ABTB3: variants seen among roughly 807,000 people sequenced by gnomAD.
ABTB3 encodes ankyrin repeat- and BTB/POZ domain-containing protein 3.
At chr12:107,416,320 C>T in the ABTB3 span, among the ~76,000 whole-genome samples, 5 of 152,162 alleles carry the variant, frequency 3.3e-5, no homozygotes, top group African/African-American at 1.2e-4. Flanking sequence ...TGAGCACCTG[C>T]CAGGAACTGA....
At chr12:107,579,210 C>T in the ABTB3 span, among the ~76,000 whole-genome samples, 2 of 152,214 alleles carry the variant, frequency 1.3e-5, no homozygotes, top group Non-Finnish European at 2.9e-5. Context: ...GGAGGCTCAG[C>T]TGCATGAACA....
the ABTB3 span, among the ~76,000 whole-genome samples, chr12:107,603,064 C>T: frequency 6.6e-6 from 1 of 152,112 alleles, no homozygotes; most frequent in Non-Finnish European, 1.5e-5. Context: ...CTAGTGATGC[C>T]CCAGGTGACC....
chr12:107,583,021 G>A, the ABTB3 span, among the ~76,000 whole-genome samples: 1 of 152,174 alleles, frequency 6.6e-6, no homozygotes, highest in African/African-American at 2.4e-5. Flanking sequence ...GGGCTCCAGG[G>A]TCCCATTGCC....
At chr12:107,322,313 C>T in the ABTB3 span, among the ~76,000 whole-genome samples, 1 of 152,106 alleles carries the variant, frequency 6.6e-6, no homozygotes. Flanking sequence ...CCTTCAGCCT[C>T]CTCTGGGTAT....
At chr12:107,618,464 C>T in the ABTB3 span, 2 of 1,149,708 alleles carry the variant, frequency 1.7e-6, no homozygotes. Context: ...TGCGCGCACA[C>T]ATACACATGC....
chr12:107,510,075 C>G, the ABTB3 span, among the ~76,000 whole-genome samples: 1 of 152,190 alleles, frequency 6.6e-6, no homozygotes, highest in African/African-American at 2.4e-5. Flanking sequence ...AAGTCAAGAG[C>G]CCTAGCCACA....
At chr12:107,343,367 T>G in the ABTB3 span, among the ~76,000 whole-genome samples, 1 of 152,226 alleles carries the variant, frequency 6.6e-6, no homozygotes, top group Non-Finnish European at 1.5e-5. Context: ...AAGATGCCTC[T>G]TGGTCAATAC....
the ABTB3 span, among the ~76,000 whole-genome samples, chr12:107,508,675 C>T: frequency 6.6e-6 from 1 of 151,882 alleles, no homozygotes; most frequent in African/African-American, 2.4e-5. Flanking sequence ...GTCTTGATCT[C>T]CTGACCTTGT....
chr12:107,426,297 C>T, the ABTB3 span, among the ~76,000 whole-genome samples: 8 of 152,132 alleles, frequency 5.3e-5, no homozygotes, highest in South Asian at 2.1e-4. Flanking sequence ...GAGGGGTGGA[C>T]GGACGGCAAG....
At chr12:107,368,089 T>G in the ABTB3 span, among the ~76,000 whole-genome samples, 1 of 152,234 alleles carries the variant, frequency 6.6e-6, no homozygotes, top group East Asian at 1.9e-4. Context: ...CAAGATAGGC[T>G]AAGTTATGCA....
chr12:107,614,706 G>T, the ABTB3 span, among the ~76,000 whole-genome samples: 1 of 152,190 alleles, frequency 6.6e-6, no homozygotes, highest in Non-Finnish European at 1.5e-5. Flanking sequence ...TTTCAGAGGA[G>T]AAGTGAAGGA....
chr12:107,388,595 C>CCT, the ABTB3 span, among the ~76,000 whole-genome samples: 18 of 150,500 alleles, frequency 1.2e-4, 1 homozygote, highest in African/African-American at 2.4e-4. Context: ...CTTCCCTCTT[C>CCT]CTCTCTCTCT....
At chr12:107,644,178 GGT>G in the ABTB3 span, among the ~76,000 whole-genome samples, 1 of 152,166 alleles carries the variant, frequency 6.6e-6, no homozygotes, top group African/African-American at 2.4e-5. Context: ...CAGCCTTCCT[GGT>G]AGCAAAGCGT....
the ABTB3 span, among the ~76,000 whole-genome samples, chr12:107,598,258 T>C: frequency 6.6e-6 from 1 of 152,242 alleles, no homozygotes; most frequent in African/African-American, 2.4e-5. Flanking sequence ...GTATGGCTGA[T>C]TTCAAGTTAG....
the ABTB3 span, among the ~76,000 whole-genome samples, chr12:107,506,302 A>G: frequency 2.0e-5 from 3 of 152,240 alleles, no homozygotes; most frequent in Admixed American, 1.3e-4. Flanking sequence ...GAGAAAGACC[A>G]ATAACTTTGC....
chr12:107,638,233 G>A, the ABTB3 span, among the ~76,000 whole-genome samples: 1 of 152,152 alleles, frequency 6.6e-6, no homozygotes, highest in Non-Finnish European at 1.5e-5. Flanking sequence ...AGAGAAAGGT[G>A]AGTGGAGGAC....
At chr12:107,335,171 C>T in the ABTB3 span, among the ~76,000 whole-genome samples, 2 of 151,566 alleles carry the variant, frequency 1.3e-5, no homozygotes, top group East Asian at 2.0e-4. Flanking sequence ...CCTGTCATCC[C>T]ATCTACTCGG....
chr12:107,479,212 G>A, the ABTB3 span, among the ~76,000 whole-genome samples: 1 of 152,104 alleles, frequency 6.6e-6, no homozygotes, highest in South Asian at 2.1e-4. Context: ...CATGCATAAA[G>A]GCACATTTGA....
At chr12:107,451,848 G>A in the ABTB3 span, among the ~76,000 whole-genome samples, 5 of 152,158 alleles carry the variant, frequency 3.3e-5, no homozygotes, top group Admixed American at 3.3e-4. Context: ...TCGCTAACAG[G>A]TGTTGAGTGT....
Sources: allele counts gnomAD v4.1 joint callset (sites outside exome capture counted in the v4.1 genomes callset), GRCh38; gene constraint gnomAD v4.1.1; transcripts MANE v1.5; gene names NCBI Gene and HGNC (gene_info 2026-07-23, HGNC 2026-07-21).